The following FGF12 variants were observed in gnomAD, a reference collection of about 807,000 sequenced individuals.
FGF12 encodes fibroblast growth factor 12.
Under a neutral mutation model 23.6 loss-of-function variants are expected in FGF12, and 14 were observed. The ratio of observed to expected loss-of-function variants is 0.59; its 90% CI spans 0.39 to 0.93. The LOEUF is 0.93. Among genes scored for constraint, FGF12 ranks in the 40% least tolerant of loss-of-function variants. The probability of loss-of-function intolerance (pLI) is 0.00; values close to 1 mark genes in which losing one functional copy is unlikely to be tolerated. For missense variants in FGF12, 175 were observed against 217.8 expected, an observed-to-expected ratio of 0.80 and a Z score of 1.24; for synonymous variants, 62 against 77.3, an observed-to-expected ratio of 0.80 and a Z score of 1.04.
At chr3:192,488,485 A>G (rs1723704371) in intron 2 of FGF12, among the ~76,000 whole-genome samples, 2 of 152,080 alleles carry the variant, frequency 1.3e-5, no homozygotes, top group African/African-American at 4.8e-5. Context: ...AAAATCTCTC[A>G]GTCCATTAGC....
chr3:192,195,739 TG>T (rs1467609689), intron 4 of FGF12, among the ~76,000 whole-genome samples: 2 of 152,172 alleles, frequency 1.3e-5, no homozygotes, highest in African/African-American at 4.8e-5. Context: ...TGTATGTATG[TG>T]TATATATGTA....
At chr3:192,719,802 A>AAAAAAAAAC (rs1553849219) in intron 2 of FGF12, among the ~76,000 whole-genome samples, 5 of 138,950 alleles carry the variant, frequency 3.6e-5, no homozygotes, top group Admixed American at 7.6e-5. Flanking sequence ...AAAAAAAAAA[A>AAAAAAAAAC]AAGAAAAACA....
At chr3:192,726,924 C>A in intron 2 of FGF12, 1 of 544,432 alleles carries the variant, frequency 1.8e-6, no homozygotes, top group Non-Finnish European at 3.3e-6. Context: ...GGGGGACTCT[C>A]CCCACCTCCC....
intron 2 of FGF12, among the ~76,000 whole-genome samples, chr3:192,661,596 G>A (rs1436731560): frequency 6.6e-6 from 1 of 152,116 alleles, no homozygotes; most frequent in African/African-American, 2.4e-5. Flanking sequence ...ATATGAAAGG[G>A]AAGATAATAA....
At chr3:192,418,669 T>C (rs1398069903) in intron 2 of FGF12, among the ~76,000 whole-genome samples, 1 of 152,096 alleles carries the variant, frequency 6.6e-6, no homozygotes, top group African/African-American at 2.4e-5. Flanking sequence ...GCTGTTCTTG[T>C]GACAGTGAGT....
intron 4 of FGF12, among the ~76,000 whole-genome samples, chr3:192,229,667 G>A (rs983781005): frequency 1.5e-4 from 23 of 152,014 alleles, no homozygotes; most frequent in African/African-American, 4.8e-4. Context: ...TGAGGTAAAT[G>A]TATATTTCTA....
chr3:192,662,983 G>T (rs1252848021), intron 2 of FGF12, among the ~76,000 whole-genome samples: 1 of 152,020 alleles, frequency 6.6e-6, no homozygotes, highest in Non-Finnish European at 1.5e-5. Flanking sequence ...TCTCTTTTAG[G>T]GCTTTAAGTA....
intron 2 of FGF12, among the ~76,000 whole-genome samples, chr3:192,463,471 T>C (rs1460850058): frequency 1.3e-5 from 2 of 152,168 alleles, no homozygotes; most frequent in Non-Finnish European, 2.9e-5. Flanking sequence ...AAATATTATA[T>C]AATAAAAGAC....
chr3:192,320,386 C>T (rs7653589), intron 4 of FGF12, among the ~76,000 whole-genome samples: 44,126 of 152,016 alleles, frequency 0.29, 9,212 homozygotes, highest in African/African-American at 0.58. Flanking sequence ...CTTCAATGCC[C>T]CACTTTCTGC....
At chr3:192,325,535 T>C (rs906304197) in intron 4 of FGF12, among the ~76,000 whole-genome samples, 1 of 152,142 alleles carries the variant, frequency 6.6e-6, no homozygotes, top group African/African-American at 2.4e-5. Context: ...GTCACTCACT[T>C]GCTGTCCCAA....
At chr3:192,482,495 G>T (rs534474350) in intron 2 of FGF12, among the ~76,000 whole-genome samples, 1 of 152,184 alleles carries the variant, frequency 6.6e-6, no homozygotes, top group African/African-American at 2.4e-5. Flanking sequence ...TTAGCTGGAC[G>T]TGGTGGTACA....
At chr3:192,281,508 C>T (rs1714141842) in intron 4 of FGF12, among the ~76,000 whole-genome samples, 2 of 152,076 alleles carry the variant, frequency 1.3e-5, no homozygotes, top group African/African-American at 4.8e-5. Context: ...ATTTGGAGGA[C>T]ACTATTCATG....
At chr3:192,571,079 T>C in intron 2 of FGF12, among the ~76,000 whole-genome samples, 1 of 143,436 alleles carries the variant, frequency 7.0e-6, no homozygotes, top group South Asian at 2.2e-4. Flanking sequence ...ACATTGGTGT[T>C]GGGGGGAAAA....
intron 2 of FGF12, among the ~76,000 whole-genome samples, chr3:192,542,119 T>C (rs1214207058): frequency 6.6e-6 from 1 of 150,910 alleles, no homozygotes; most frequent in Non-Finnish European, 1.5e-5. Context: ...ATGATCCGCC[T>C]ACCTTGGCCT....
chr3:192,261,771 A>G (rs1712770890), intron 4 of FGF12, among the ~76,000 whole-genome samples: 1 of 152,200 alleles, frequency 6.6e-6, no homozygotes, highest in Admixed American at 6.5e-5. Flanking sequence ...AAGTAATTTT[A>G]TGTAGAGTCA....
intron 4 of FGF12, among the ~76,000 whole-genome samples, chr3:192,216,973 T>C (rs1204047521): frequency 6.6e-6 from 1 of 152,250 alleles, no homozygotes; most frequent in Non-Finnish European, 1.5e-5. Context: ...TTCTAATGTG[T>C]TTGTTTTATT....
chr3:192,219,310 C>G (rs1718355967), intron 4 of FGF12, among the ~76,000 whole-genome samples: 1 of 152,086 alleles, frequency 6.6e-6, no homozygotes, highest in South Asian at 2.1e-4. Flanking sequence ...GTCTCGAACT[C>G]CTGACCTCAA....
intron 2 of FGF12, among the ~76,000 whole-genome samples, chr3:192,424,530 C>A (rs1045979338): frequency 6.6e-6 from 1 of 152,148 alleles, no homozygotes; most frequent in Non-Finnish European, 1.5e-5. Flanking sequence ...AATTAGTTCA[C>A]CCCTTGTGCA....
At chr3:192,155,589 C>T (rs1175391585) in intron 5 of FGF12, among the ~76,000 whole-genome samples, 1 of 152,184 alleles carries the variant, frequency 6.6e-6, no homozygotes, top group Non-Finnish European at 1.5e-5. Context: ...AATGTCATTG[C>T]TTCTGGCCTT....
Sources: gnomAD v4.1 joint callset for allele counts (sites outside exome capture counted in the v4.1 genomes callset) on GRCh38, gnomAD v4.1.1 for gene constraint, MANE v1.5 for transcripts, NCBI Gene and HGNC (gene_info 2026-07-23, HGNC 2026-07-21) for gene names.